ROBO2: variants seen among roughly 807,000 people sequenced by gnomAD.
The protein encoded by ROBO2 is roundabout guidance receptor 2.
A neutral mutation model predicts 160.8 loss-of-function variants in ROBO2; 53 were observed. That is an observed-to-expected ratio of 0.33 (90% CI 0.26 to 0.41). ROBO2 has a LOEUF of 0.41. Ranked by LOEUF, ROBO2 falls within the 10% of genes least tolerant of loss-of-function variation. The pLI is 1.00. For synonymous variants in ROBO2, 664 were observed against 611.7 expected, an observed-to-expected ratio of 1.09 and a Z score of -1.26; for missense variants, 1,577 against 1,722.4, an observed-to-expected ratio of 0.92 and a Z score of 1.49.
At chr3:77,622,096 T>G in intron 22 of ROBO2, 131 bp from the exon 24 acceptor site, 2 of 766,806 alleles carry the variant, frequency 2.6e-6, no homozygotes, top group Non-Finnish European at 4.2e-6. Flanking sequence ...GAAAGCATTA[T>G]GAACTCCTAA....
At chr3:77,166,961 ATT>A in intron 2 of ROBO2, among the ~76,000 whole-genome samples, 7 of 152,178 alleles carry the variant, frequency 4.6e-5, no homozygotes, top group Non-Finnish European at 1.0e-4. Flanking sequence ...ACTCATTGCT[ATT>A]TATGATGTTT....
intron 2 of ROBO2, among the ~76,000 whole-genome samples, chr3:75,959,916 A>C (rs1948851461): frequency 6.6e-6 from 1 of 151,828 alleles, no homozygotes; most frequent in Admixed American, 6.6e-5. Context: ...TATAAAAGTT[A>C]AATATTTATA....
intron 2 of ROBO2, among the ~76,000 whole-genome samples, chr3:76,132,952 G>C (rs17013867): frequency 0.049 from 7,393 of 152,154 alleles, 371 homozygotes; most frequent in East Asian, 0.15. Context: ...CCCTTGGACT[G>C]TCTTGGCCTC....
chr3:77,289,972 A>T (rs1336436019), intron 2 of ROBO2, among the ~76,000 whole-genome samples: 3 of 152,138 alleles, frequency 2.0e-5, no homozygotes, highest in Non-Finnish European at 4.4e-5. Flanking sequence ...GACATTAAGT[A>T]AAATTGATGG....
chr3:77,568,535 CATTTAAAATCAAGGTGT>C, intron 13 of ROBO2, 101 bp downstream of exon 14: 1 of 1,374,744 alleles, frequency 7.3e-7, no homozygotes, highest in South Asian at 1.2e-5. Context: ...AAATTCCCGC[CATTTAAAATCAAGGTGT>C]AATCAATGAT....
intron 8 of ROBO2, among the ~76,000 whole-genome samples, chr3:77,555,108 C>A (rs934752633): frequency 6.6e-6 from 1 of 151,948 alleles, no homozygotes; most frequent in African/African-American, 2.4e-5. Context: ...AAAAGATTAC[C>A]ACTCTAGGCT....
intron 2 of ROBO2, among the ~76,000 whole-genome samples, chr3:76,072,373 T>A (rs1302199816): frequency 6.6e-6 from 1 of 152,138 alleles, no homozygotes; most frequent in African/African-American, 2.4e-5. Flanking sequence ...TGTGGAGAAA[T>A]GTTTCAAAAA....
At chr3:76,632,770 C>A (rs1347635773) in intron 2 of ROBO2, among the ~76,000 whole-genome samples, 1 of 152,084 alleles carries the variant, frequency 6.6e-6, no homozygotes, top group Non-Finnish European at 1.5e-5. Flanking sequence ...CCAATAAGTC[C>A]TCTACATTGG....
intron 2 of ROBO2, among the ~76,000 whole-genome samples, chr3:77,343,186 G>A (rs1330105451): frequency 1.3e-5 from 2 of 152,032 alleles, no homozygotes; most frequent in Non-Finnish European, 2.9e-5. Context: ...AGTCACATTG[G>A]GGGTTAGGGC....
At chr3:76,100,191 T>C (rs886274293) in intron 2 of ROBO2, among the ~76,000 whole-genome samples, 4 of 152,228 alleles carry the variant, frequency 2.6e-5, no homozygotes, top group African/African-American at 9.6e-5. Flanking sequence ...GTCTAGGTAC[T>C]GACTGAAGGG....
chr3:76,187,215 C>T (rs2107150561), intron 2 of ROBO2, among the ~76,000 whole-genome samples: 1 of 152,206 alleles, frequency 6.6e-6, no homozygotes, highest in Middle Eastern at 3.4e-3. Context: ...GAGTATTTCA[C>T]ATATAGTTCT....
intron 2 of ROBO2, among the ~76,000 whole-genome samples, chr3:76,718,965 C>A (rs2093424312): frequency 1.3e-5 from 2 of 152,112 alleles, no homozygotes; most frequent in African/African-American, 4.8e-5. Flanking sequence ...AAAGCACGGA[C>A]ATATTTTTCA....
rs1205320312 is a variant in ROBO2, at chr3:77,588,092, T to C, written c.2501-659T>C. 3.3e-5 allele frequency among the ~76,000 whole-genome samples: 5 copies of C among 152,198 alleles called. No individual in the cohort carries two copies. The South Asian group carries it at 8.3e-4, about 25-fold the overall frequency. ...TTAAGTTGTTCTTTAAATTTAGCTTTCAAATGGATTTTCAAATTAGTTTCA... is the reference window on the plus strand; with the variant it reads ...TTAAGTTGTTCTTTAAATTTAGCTTCCAAATGGATTTTCAAATTAGTTTCA... On this transcript the variant is annotated intron_variant, in intron 16 of 25. Transcript: ENST00000461745.
rs560889878 is a variant in ROBO2 at position 76,761,774 on chromosome 3, A to T, written c.110-336240A>T. Among the ~76,000 whole-genome samples the T allele has an allele frequency of 6.6e-5, 10 of 151,776 alleles. No homozygotes were observed. In the South Asian group the frequency reaches 2.1e-3, roughly 31 times the overall value. The stretch of plus-strand genomic sequence containing the variant: ...TGTCTTGATAGAACATTGAATTTAG[A>T]ATATTGGGTGGCTGAGTTTTGACCT... On this transcript the variant is annotated intron_variant, in intron 2 of 26. Transcript: ENST00000487694.
chr3:77,296,122 T>G (rs971385474), intron 2 of ROBO2, among the ~76,000 whole-genome samples: 2 of 150,896 alleles, frequency 1.3e-5, no homozygotes, highest in African/African-American at 4.9e-5. Flanking sequence ...AGGCTGAGTC[T>G]AGATCACCCC....
At chr3:76,833,551 C>T (rs17014791) in intron 2 of ROBO2, among the ~76,000 whole-genome samples, 19,448 of 152,150 alleles carry the variant, frequency 0.13, 1,400 homozygotes, top group East Asian at 0.24. Flanking sequence ...TGTAAGAATA[C>T]TTCTAAAGAG....
chr3:76,086,906 T>A (rs2069037844), intron 2 of ROBO2, among the ~76,000 whole-genome samples: 2 of 152,106 alleles, frequency 1.3e-5, no homozygotes, highest in African/African-American at 4.8e-5. Context: ...GGTGAATGCC[T>A]TTGATGGGTT....
At chr3:76,685,959 C>T (rs1409870348) in intron 2 of ROBO2, among the ~76,000 whole-genome samples, 1 of 152,086 alleles carries the variant, frequency 6.6e-6, no homozygotes, top group Admixed American at 6.6e-5. Flanking sequence ...AGGTAGAAAA[C>T]ATGGCCTTGA....
intron 2 of ROBO2, among the ~76,000 whole-genome samples, chr3:77,021,660 T>A (rs1018923249): frequency 6.6e-6 from 1 of 152,202 alleles, no homozygotes; most frequent in South Asian, 2.1e-4. Flanking sequence ...ATTTAATTGC[T>A]GTTGTAATGA....
Sources: gnomAD v4.1 joint callset for allele counts (sites outside exome capture counted in the v4.1 genomes callset) on GRCh38, gnomAD v4.1.1 for gene constraint, MANE v1.5 for transcripts, NCBI Gene and HGNC (gene_info 2026-07-23, HGNC 2026-07-21) for gene names.